Variants in KIAA0040 observed in about 807,000 individuals in gnomAD.
KIAA0040 encodes the protein uncharacterized protein KIAA0040.
KIAA0040 carries 10 observed loss-of-function variants against 7.2 expected under a neutral mutation model. The observed-to-expected ratio is 1.38, with a 90% confidence interval of 0.85 to 2.34. The LOEUF (loss-of-function observed/expected upper bound fraction) is 2.34, where lower values mean the gene tolerates loss of function less well. Among genes scored for constraint, KIAA0040 ranks in the 30% most tolerant of loss-of-function variants. KIAA0040 has a pLI of 0.00. For synonymous variants in KIAA0040, 49 were observed against 40.1 expected, an observed-to-expected ratio of 1.22 and a Z score of -0.84; for missense variants, 89 against 108.2, an observed-to-expected ratio of 0.82 and a Z score of 0.79.
chr1:175,157,286 T>C lies in KIAA0040; in HGVS notation c.*3428A>G, dbSNP rs1676312057. The C allele has an allele frequency of 6.6e-6, 1 of 152,258 alleles. No homozygotes were observed. The highest frequency in any genetic ancestry group is 2.1e-4 in the South Asian group (1 of 4,830). 9.4% of individuals were successfully genotyped at this position (152,258 alleles called of 1,614,324 possible). The stretch of plus-strand genomic sequence containing the variant: ...TGTAAGTGTTGCCAAGGAACATCAG[T>C]ATATTTTTCCTGTAGCTGGCACCTT... On this transcript the variant is annotated 3_prime_UTR_variant, in exon 4 of 4. Transcript: ENST00000423313.
chr1:175,158,452 G>C lies in KIAA0040; in HGVS notation c.*2262C>G, dbSNP rs1048474366. 2.6e-5 allele frequency: 4 copies of C among 152,142 alleles called. No homozygotes were observed. The highest frequency in any genetic ancestry group is 9.7e-5 in the African/African-American group (4 of 41,410). 9.4% of individuals were successfully genotyped at this position (152,142 alleles called of 1,614,324 possible). A position where few individuals can be genotyped will look rare whatever the true frequency, so the allele number is the denominator to read the frequency against. The stretch of plus-strand genomic sequence containing the variant: ...TACTTGTATGGTCCCGGATCCCGGT[G>C]ATCCGCCCTCCTAGATCATATCTGA... On this transcript the variant is annotated 3_prime_UTR_variant, in exon 4 of 4. Transcript: ENST00000423313.
chr1:175,176,027 A>C (rs570446504), intron 2 of KIAA0040, among the ~76,000 whole-genome samples: 11 of 152,350 alleles, frequency 7.2e-5, no homozygotes, highest in Admixed American at 6.5e-4. Context: ...AGTATAATAA[A>C]AAATAAAAAT....
chr1:175,168,124 T>C (rs1036814056), intron 2 of KIAA0040, among the ~76,000 whole-genome samples: 1 of 152,160 alleles, frequency 6.6e-6, no homozygotes, highest in African/African-American at 2.4e-5. Flanking sequence ...GGAACCTCAG[T>C]CAGTAGTTAT....
In KIAA0040 at chr1:175,158,694, G is replaced by C. The variant is rs920743730; in HGVS notation, c.*2020C>G. On this transcript the variant is annotated 3_prime_UTR_variant, in exon 4 of 4. Transcript: ENST00000423313. ...CATGACAAACTCTCTATGTGACAAG[G>C]GGATAGAGAACCAGAGTGCTTCTTT... The C allele has an allele frequency of 1.3e-5, 2 of 152,270 alleles. No homozygotes were observed. The highest frequency in any genetic ancestry group is 2.9e-5 in the Non-Finnish European group (2 of 68,076). 9.4% of individuals were successfully genotyped at this position (152,270 alleles called of 1,614,324 possible). A position where few individuals can be genotyped will look rare whatever the true frequency, so the allele number is the denominator to read the frequency against.
intron 2 of KIAA0040, among the ~76,000 whole-genome samples, chr1:175,168,336 A>G (rs1253631607): frequency 6.6e-6 from 1 of 152,150 alleles, no homozygotes; most frequent in Non-Finnish European, 1.5e-5. Flanking sequence ...ATTTTCCCCA[A>G]TTTAATGAAT....
At chr1:175,189,253 G>GA (rs1012931029) in intron 1 of KIAA0040, among the ~76,000 whole-genome samples, 8 of 152,276 alleles carry the variant, frequency 5.3e-5, no homozygotes, top group Non-Finnish European at 1.0e-4. Context: ...TTGGGACAGG[G>GA]AAAAATCACA....
At chr1:175,171,645 G>T (rs572690133) in intron 2 of KIAA0040, among the ~76,000 whole-genome samples, 7 of 152,286 alleles carry the variant, frequency 4.6e-5, no homozygotes, top group African/African-American at 1.4e-4. Context: ...TAATGATCAA[G>T]AAAACCGCCT....
intron 1 of KIAA0040, among the ~76,000 whole-genome samples, chr1:175,191,531 G>A (rs1044628769): frequency 6.6e-6 from 1 of 152,238 alleles, no homozygotes; most frequent in Admixed American, 6.5e-5. Context: ...AGGCACATCA[G>A]ACTAAGTGGT....
chr1:175,179,993 T>C (rs890496185), intron 1 of KIAA0040, among the ~76,000 whole-genome samples: 1 of 152,192 alleles, frequency 6.6e-6, no homozygotes, highest in Non-Finnish European at 1.5e-5. Context: ...CTCCCATTTC[T>C]CAAACTCTGT....
chr1:175,176,952 T>C (rs1401082415), intron 2 of KIAA0040, among the ~76,000 whole-genome samples: 1 of 151,932 alleles, frequency 6.6e-6, no homozygotes, highest in East Asian at 1.9e-4. Flanking sequence ...TGCAGGGGGG[T>C]ATCCCATATT....
chr1:175,188,480 T>C (rs777883204), intron 1 of KIAA0040, among the ~76,000 whole-genome samples: 17 of 152,214 alleles, frequency 1.1e-4, no homozygotes, highest in Non-Finnish European at 2.2e-4. Context: ...ACTGTGTCTG[T>C]GACGAGTCTC....
rs1279427720 is a variant in KIAA0040 at position 175,159,039 on chromosome 1, G to C, written c.*1675C>G. The C allele has an allele frequency of 6.6e-6, 1 of 152,166 alleles. No homozygotes were observed. The highest frequency in any genetic ancestry group is 2.4e-5 in the African/African-American group (1 of 41,418). 9.4% of individuals were successfully genotyped at this position (152,166 alleles called of 1,614,324 possible). On this transcript the variant is annotated 3_prime_UTR_variant, in exon 4 of 4. Transcript: ENST00000423313. ...CATAGTTTAGCTACATTATTAATTA[G>C]ATAGCAATTTTGCCACTGTGTAGAA...
rs1341264702 is a variant in KIAA0040, at chr1:175,157,359, G to A, written c.*3355C>T. ...CCATCTGTTTTGCAAGCAAGGGTGAGACAGCCACATTCCTCATCCTCAGAC... is the reference window on the plus strand; with the variant it reads ...CCATCTGTTTTGCAAGCAAGGGTGAAACAGCCACATTCCTCATCCTCAGAC... On this transcript the variant is annotated 3_prime_UTR_variant, in exon 4 of 4. Transcript: ENST00000423313. 6.6e-6 allele frequency: 1 copy of A among 152,218 alleles called. No individual in the cohort carries two copies. Among genetic ancestry groups the A allele is most frequent in the Non-Finnish European group, 1.5e-5 (1 of 68,044 alleles). 9.4% of individuals were successfully genotyped at this position (152,218 alleles called of 1,614,324 possible).
At chr1:175,179,624 C>A (rs954940108) in intron 1 of KIAA0040, among the ~76,000 whole-genome samples, 10 of 152,152 alleles carry the variant, frequency 6.6e-5, no homozygotes, top group African/African-American at 2.4e-4. Flanking sequence ...CTCCCTCCTT[C>A]GAACTGGCAC....
chr1:175,191,088 A>G (rs1677848701), intron 1 of KIAA0040, among the ~76,000 whole-genome samples: 1 of 152,194 alleles, frequency 6.6e-6, no homozygotes, highest in South Asian at 2.1e-4. Context: ...AATGTATATT[A>G]TCCTGAACTG....
intron 2 of KIAA0040, among the ~76,000 whole-genome samples, chr1:175,172,835 A>G (rs1044752021): frequency 3.3e-5 from 5 of 152,226 alleles, no homozygotes; most frequent in Admixed American, 6.5e-5. Flanking sequence ...AGTAAATGAG[A>G]TAATGTGTGT....
At chr1:175,191,006 C>G (rs1677846169) in intron 1 of KIAA0040, among the ~76,000 whole-genome samples, 1 of 152,244 alleles carries the variant, frequency 6.6e-6, no homozygotes, top group Non-Finnish European at 1.5e-5. Flanking sequence ...GTGGACTTCA[C>G]AGATAATTCT....
chr1:175,190,578 C>T (rs1453492874), intron 1 of KIAA0040, among the ~76,000 whole-genome samples: 1 of 152,208 alleles, frequency 6.6e-6, no homozygotes, highest in Non-Finnish European at 1.5e-5. Context: ...GCCTATCCCA[C>T]TCAACACCTT....
At chr1:175,163,585 G>A (rs1025190077) in intron 3 of KIAA0040, among the ~76,000 whole-genome samples, 6 of 152,178 alleles carry the variant, frequency 3.9e-5, no homozygotes, top group African/African-American at 1.2e-4. Flanking sequence ...TGTATCTCAG[G>A]CCACTCATCT....
Sources: gnomAD v4.1 joint callset for allele counts (sites outside exome capture counted in the v4.1 genomes callset) on GRCh38, gnomAD v4.1.1 for gene constraint, MANE v1.5 for transcripts, NCBI Gene and HGNC (gene_info 2026-07-23, HGNC 2026-07-21) for gene names.